Variants in GLP2R observed in about 807,000 individuals in gnomAD.
The protein encoded by GLP2R is glucagon-like peptide 2 receptor.
A neutral mutation model predicts 68.2 loss-of-function variants in GLP2R; 59 were observed. The observed-to-expected ratio is 0.87, with a 90% CI of 0.70 to 1.07. The LOEUF is 1.07. GLP2R is among the 50% of genes least tolerant of loss of function. GLP2R has a pLI of 0.00. For missense variants in GLP2R, 548 were observed against 677.4 expected, an observed-to-expected ratio of 0.81 and a Z score of 2.12; for synonymous variants, 270 against 265.4, an observed-to-expected ratio of 1.02 and a Z score of -0.17.
intron 3 of GLP2R, among the ~76,000 whole-genome samples, chr17:9,841,248 G>A (rs369040376): frequency 2.7e-4 from 40 of 150,088 alleles, no homozygotes; most frequent in Non-Finnish European, 4.7e-4. Flanking sequence ...GGCTGGTCTC[G>A]AACTCCTGAC....
At chr17:9,873,547 A>G (rs527330242) in intron 10 of GLP2R, among the ~76,000 whole-genome samples, 77 of 91,436 alleles carry the variant, frequency 8.4e-4, no homozygotes, top group Non-Finnish European at 1.4e-3. Flanking sequence ...CACAAAAACT[A>G]TGCATGGACT....
chr17:9,889,572 T>C lies in GLP2R; in HGVS notation c.1529T>C (p.Leu510Pro), dbSNP rs757453386. 18 of 1,614,066 alleles carry C rather than the reference T, an allele frequency of 1.1e-5. No individual in the cohort carries two copies. The highest frequency in any genetic ancestry group is 1.5e-5 in the Non-Finnish European group (18 of 1,180,026). ...GRLLHLAMRG[L>P]GELGAQPQQD... Reference sequence around the variant, plus strand: ...CTCCTACATCTAGCCATGCGAGGTCTTGGGGAGCTGGGCGCCCAGCCCCAA... The same window carrying C: ...CTCCTACATCTAGCCATGCGAGGTCCTGGGGAGCTGGGCGCCCAGCCCCAA... The change falls in exon 13 of 13, where the codon CTT becomes CCT. Residue 510 changes from leucine (L) to proline (P), a missense_variant. By Grantham distance (98) the Leu-to-Pro change is moderately conservative. Coordinates refer to ENST00000262441, the MANE Select transcript of GLP2R (RefSeq NM_004246.3).
chr17:9,858,493 G>C (rs201444920), intron 6 of GLP2R, among the ~76,000 whole-genome samples: 1 of 152,278 alleles, frequency 6.6e-6, no homozygotes, highest in East Asian at 1.9e-4. Flanking sequence ...TGCTAGCCTC[G>C]TAAAACAAAT....
At chr17:9,849,856 A>C (rs957553998) in intron 4 of GLP2R, among the ~76,000 whole-genome samples, 1 of 151,562 alleles carries the variant, frequency 6.6e-6, no homozygotes, top group Admixed American at 6.6e-5. Flanking sequence ...CTCGTGATCC[A>C]CCCACCTCGG....
chr17:9,849,733 C>T (rs2066874822), intron 4 of GLP2R, among the ~76,000 whole-genome samples: 1 of 151,618 alleles, frequency 6.6e-6, no homozygotes, highest in East Asian at 1.9e-4. Flanking sequence ...CTGCCTCAGC[C>T]TCCCGAGTAG....
At chr17:9,849,078 T>C (rs559865396) in intron 4 of GLP2R, among the ~76,000 whole-genome samples, 2 of 151,762 alleles carry the variant, frequency 1.3e-5, no homozygotes, top group Non-Finnish European at 2.9e-5. Context: ...ATATATGGCA[T>C]ATAATTTTAA....
At chr17:9,834,193 C>T (rs1162869152) in intron 2 of GLP2R, among the ~76,000 whole-genome samples, 1 of 152,140 alleles carries the variant, frequency 6.6e-6, no homozygotes, top group Non-Finnish European at 1.5e-5. Context: ...CATACAAGAT[C>T]ACTTTGGCCA....
At chr17:9,833,125 C>T (rs1380145257) in intron 1 of GLP2R, among the ~76,000 whole-genome samples, 3 of 151,710 alleles carry the variant, frequency 2.0e-5, no homozygotes, top group Non-Finnish European at 4.4e-5. Context: ...TAGCTGAGCA[C>T]GGTGGTGCGC....
chr17:9,874,821 C>T (rs1350636800), intron 10 of GLP2R, among the ~76,000 whole-genome samples: 1 of 152,176 alleles, frequency 6.6e-6, no homozygotes, highest in East Asian at 1.9e-4. Flanking sequence ...CTGGTGATCA[C>T]ATCACAAAGC....
chr17:9,852,821 C>G, intron 4 of GLP2R: 1 of 307,390 alleles, frequency 3.3e-6, no homozygotes, highest in Non-Finnish European at 6.2e-6. Flanking sequence ...TCTTCATCAT[C>G]ATCATCATCT....
chr17:9,869,159 T>G (rs2067068265), intron 9 of GLP2R, among the ~76,000 whole-genome samples: 1 of 152,194 alleles, frequency 6.6e-6, no homozygotes, highest in Non-Finnish European at 1.5e-5. Flanking sequence ...TGCTGATTTC[T>G]TTTCTCCATC....
chr17:9,873,181 G>A (rs958816262), intron 10 of GLP2R, among the ~76,000 whole-genome samples: 86 of 152,148 alleles, frequency 5.7e-4, no homozygotes, highest in African/African-American at 2.0e-3. Context: ...TCAATAAACA[G>A]GTGCCAGGAA....
chr17:9,837,519 A>G (rs1184917515), intron 3 of GLP2R, among the ~76,000 whole-genome samples: 1 of 152,210 alleles, frequency 6.6e-6, no homozygotes. Flanking sequence ...ATGGGGAAGA[A>G]GGATTTTCAA....
chr17:9,861,183 C>T lies in GLP2R; in HGVS notation c.970C>T (p.His324Tyr). 1 of 1,612,082 alleles carries T rather than the reference C, an allele frequency of 6.2e-7. No individual in the cohort carries two copies. Among genetic ancestry groups the T allele is most frequent in the Non-Finnish European group, 8.5e-7 (1 of 1,178,192 alleles). Residue 324 changes from histidine (H) to tyrosine (Y), a missense_variant, in exon 8 of 13, where the codon CAC becomes TAC. By Grantham distance (83) the His-to-Tyr change is moderately conservative. Transcript: ENST00000262441. Reference protein sequence around the residue: ...FVVPWGFARAHLENTGCWTTN... With the variant: ...FVVPWGFARAYLENTGCWTTN... The stretch of plus-strand genomic sequence containing the variant: ...TGTACCCTGGGGTTTCGCCCGTGCA[C>T]ACCTGGAGAACACAGGGTAGGTAAT...
chr17:9,885,727 G>A (rs1250601216), intron 11 of GLP2R, among the ~76,000 whole-genome samples: 2 of 141,336 alleles, frequency 1.4e-5, no homozygotes, highest in African/African-American at 2.6e-5. Flanking sequence ...TCACTTTTAC[G>A]ACATTGTATC....
At position 9,880,578 on chromosome 17, in the gene GLP2R, A is replaced by G. The variant is rs966128349; in HGVS notation, c.1284+62A>G. On this transcript the variant is annotated intron_variant, in intron 11 of 12. Coordinates refer to ENST00000262441, the MANE Select transcript of GLP2R (RefSeq NM_004246.3). ...GAGAAAACAAAATGCATGTGGCCGA[A>G]ACAGGCTCAGAATTAAGGAGCCCGT... 1.4e-4 allele frequency: 161 copies of G among 1,186,656 alleles called. 2 individuals are homozygous for G. The highest frequency in any genetic ancestry group is 1.1e-3 in the Middle Eastern group (5 of 4,472). The allele number at this position is 1,186,656 out of a possible 1,614,324, so 73.5% of individuals were successfully genotyped here.
chr17:9,863,079 G>C (rs147376069), intron 9 of GLP2R, among the ~76,000 whole-genome samples: 2 of 152,142 alleles, frequency 1.3e-5, no homozygotes, highest in Admixed American at 1.3e-4. Flanking sequence ...GAGGTGGCAC[G>C]TATGCTGCGG....
intron 3 of GLP2R, among the ~76,000 whole-genome samples, chr17:9,841,683 A>ATTAGACACCCTACCTAGC (rs2066788752): frequency 6.6e-6 from 1 of 152,160 alleles, no homozygotes; most frequent in African/African-American, 2.4e-5. Flanking sequence ...TGAGATGTCA[A>ATTAGACACCCTACCTAGC]TTAGACACCC....
intron 11 of GLP2R, among the ~76,000 whole-genome samples, chr17:9,887,689 C>T (rs1188155769): frequency 1.3e-5 from 2 of 152,164 alleles, no homozygotes; most frequent in African/African-American, 4.8e-5. Flanking sequence ...TCTAAGCAAA[C>T]ACCTAGGCTG....
Sources: gnomAD v4.1 joint callset for allele counts (sites outside exome capture counted in the v4.1 genomes callset) on GRCh38, gnomAD v4.1.1 for gene constraint, MANE v1.5 for transcripts, NCBI Gene and HGNC (gene_info 2026-07-23, HGNC 2026-07-21) for gene names.